The following LHPP variants were observed in gnomAD, a reference collection of about 807,000 sequenced individuals.
LHPP encodes the protein hLHPP.
LHPP carries 24 observed loss-of-function variants against 30.3 expected under a neutral mutation model. The observed-to-expected ratio is 0.79, with a 90% CI of 0.57 to 1.11. The LOEUF (loss-of-function observed/expected upper bound fraction) is 1.11, where lower values mean the gene tolerates loss of function less well. Among genes scored for constraint, LHPP ranks in the 50% most tolerant of loss-of-function variants. The pLI, the probability that LHPP is intolerant of heterozygous loss-of-function variation, is 0.00. For missense variants in LHPP, 356 were observed against 367.2 expected (o/e 0.97, Z 0.25); for synonymous variants, 150 against 157.1 (o/e 0.95, Z 0.34).
intron 1 of LHPP, among the ~76,000 whole-genome samples, chr10:124,464,295 A>G (rs1952495265): frequency 1.3e-5 from 2 of 152,134 alleles, no homozygotes; most frequent in South Asian, 4.1e-4. Flanking sequence ...GCCTGATGTC[A>G]CTGGGACTCA....
At chr10:124,551,243 G>T (rs1406685692) in intron 6 of LHPP, among the ~76,000 whole-genome samples, 2 of 152,142 alleles carry the variant, frequency 1.3e-5, no homozygotes, top group Admixed American at 1.3e-4. Flanking sequence ...CTCGCCTGGG[G>T]CCCCAGAGAG....
At chr10:124,547,614 T>C (rs1955381549) in intron 6 of LHPP, among the ~76,000 whole-genome samples, 1 of 152,250 alleles carries the variant, frequency 6.6e-6, no homozygotes, top group Admixed American at 6.5e-5. Context: ...GCCCCTGGCC[T>C]GGATGCTGTA....
intron 6 of LHPP, among the ~76,000 whole-genome samples, chr10:124,544,695 C>T (rs968242038): frequency 6.6e-6 from 1 of 152,192 alleles, no homozygotes; most frequent in African/African-American, 2.4e-5. Context: ...GCTCTGTGGC[C>T]GGCTGAGTGG....
intron 6 of LHPP, among the ~76,000 whole-genome samples, chr10:124,601,800 G>A (rs912263278): frequency 3.3e-5 from 5 of 152,322 alleles, no homozygotes; most frequent in South Asian, 2.1e-4. Flanking sequence ...GCTGGCACAC[G>A]CCCTTGCCTC....
At chr10:124,467,641 T>G (rs1318923805) in intron 1 of LHPP, among the ~76,000 whole-genome samples, 1 of 151,240 alleles carries the variant, frequency 6.6e-6, no homozygotes, top group Non-Finnish European at 1.5e-5. Context: ...TCTACCCAAG[T>G]TTCCCAGATA....
intron 1 of LHPP, among the ~76,000 whole-genome samples, chr10:124,466,864 GC>G (rs1464831745): frequency 1.3e-5 from 2 of 151,764 alleles, no homozygotes; most frequent in Admixed American, 1.3e-4. Context: ...TAACGTCTGG[GC>G]ACAGTGGCTC....
At chr10:124,507,108 GCA>G (rs1488282605) in intron 5 of LHPP, among the ~76,000 whole-genome samples, 4 of 71,746 alleles carry the variant, frequency 5.6e-5, no homozygotes, top group South Asian at 8.8e-4. Context: ...GATTTCAGGT[GCA>G]GGGGTAGACA....
chr10:124,599,618 A>T lies in LHPP; in HGVS notation c.717-13646A>T, dbSNP rs575540248. Among the ~76,000 whole-genome samples, 770 of 152,316 alleles carry T rather than the reference A, an allele frequency of 5.1e-3. 5 individuals are homozygous for T. The highest frequency in any genetic ancestry group is 0.017 in the African/African-American group (725 of 41,576). Reference sequence around the variant, plus strand: ...ATGGGAGGCCCAAGTCCCACGTGTCACTGGAATTCGGGAGGCCTGGCTCTC... The same window carrying T: ...ATGGGAGGCCCAAGTCCCACGTGTCTCTGGAATTCGGGAGGCCTGGCTCTC... On this transcript the variant is annotated intron_variant, in intron 6 of 6. Coordinates refer to ENST00000368842, the MANE Select transcript of LHPP (RefSeq NM_022126.4).
At chr10:124,483,781 A>G (rs1240607437) in intron 1 of LHPP, among the ~76,000 whole-genome samples, 2 of 151,568 alleles carry the variant, frequency 1.3e-5, no homozygotes, top group East Asian at 1.9e-4. Context: ...TAAAAAAAAT[A>G]AAGAAGTGGC....
chr10:124,485,179 G>A (rs559615577), intron 2 of LHPP, among the ~76,000 whole-genome samples: 1 of 152,164 alleles, frequency 6.6e-6, no homozygotes, highest in South Asian at 2.1e-4. Flanking sequence ...TGACAGGCCT[G>A]GCCTTTAGAA....
chr10:124,559,832 T>C (rs921041627), intron 6 of LHPP, among the ~76,000 whole-genome samples: 2 of 152,260 alleles, frequency 1.3e-5, no homozygotes, highest in African/African-American at 4.8e-5. Context: ...GTCTGGGGTG[T>C]GTGCCATTGG....
intron 1 of LHPP, among the ~76,000 whole-genome samples, chr10:124,467,468 C>T (rs1402577523): frequency 6.6e-6 from 1 of 151,284 alleles, no homozygotes; most frequent in Non-Finnish European, 1.5e-5. Flanking sequence ...GTGTTTGGCA[C>T]ACAGTAGACC....
chr10:124,553,183 C>T (rs1354538901), intron 6 of LHPP, among the ~76,000 whole-genome samples: 1 of 151,862 alleles, frequency 6.6e-6, no homozygotes, highest in African/African-American at 2.4e-5. Flanking sequence ...GAAGCCAGGT[C>T]CCTGTGACTT....
intron 6 of LHPP, among the ~76,000 whole-genome samples, chr10:124,526,846 G>A (rs1354580251): frequency 6.6e-6 from 1 of 152,216 alleles, no homozygotes; most frequent in Non-Finnish European, 1.5e-5. Context: ...CCAGTGTGTG[G>A]TGGGGAGGTG....
chr10:124,544,928 G>T (rs1035916647), intron 6 of LHPP, among the ~76,000 whole-genome samples: 1 of 152,222 alleles, frequency 6.6e-6, no homozygotes, highest in Non-Finnish European at 1.5e-5. Flanking sequence ...GCTGTGCATG[G>T]GCGGCCTGGG....
chr10:124,501,616 A>AG (rs953009207), intron 5 of LHPP, among the ~76,000 whole-genome samples: 4 of 150,408 alleles, frequency 2.7e-5, no homozygotes, highest in African/African-American at 1.0e-4. Flanking sequence ...AAAAAAAAAA[A>AG]AAAAAGAAAA....
intron 2 of LHPP, among the ~76,000 whole-genome samples, chr10:124,485,064 ACAT>A (rs1305386419): frequency 6.6e-6 from 1 of 152,034 alleles, no homozygotes; most frequent in African/African-American, 2.4e-5. Context: ...GCAGAGGCAA[ACAT>A]GGTTTTTTCC....
At chr10:124,580,735 T>TTTA (rs1948733337) in intron 6 of LHPP, among the ~76,000 whole-genome samples, 1 of 141,894 alleles carries the variant, frequency 7.0e-6, no homozygotes. Flanking sequence ...TTTTTTTTTT[T>TTTA]GAGATGGAGT....
At chr10:124,601,434 C>G (rs932317051) in intron 6 of LHPP, among the ~76,000 whole-genome samples, 2 of 152,150 alleles carry the variant, frequency 1.3e-5, no homozygotes, top group Non-Finnish European at 2.9e-5. Flanking sequence ...CTGAGACAGG[C>G]GGGTGAGCAC....
Sources: gnomAD v4.1 joint callset for allele counts (sites outside exome capture counted in the v4.1 genomes callset) on GRCh38, gnomAD v4.1.1 for gene constraint, MANE v1.5 for transcripts, NCBI Gene and HGNC (gene_info 2026-07-23, HGNC 2026-07-21) for gene names.